TLE3: variants seen among roughly 807,000 people sequenced by gnomAD.
TLE3 encodes the protein TLE family member 3, transcriptional corepressor, also known as transducin-like enhancer protein 3.
Under a neutral mutation model 93.0 loss-of-function variants are expected in TLE3, and 14 were observed. The observed-to-expected ratio is 0.15, with a 90% CI of 0.10 to 0.24. The LOEUF (loss-of-function observed/expected upper bound fraction) is 0.24, where lower values mean the gene tolerates loss of function less well. Ranked by LOEUF, TLE3 falls within the 10% of genes least tolerant of loss-of-function variation. The pLI, the probability that TLE3 is intolerant of heterozygous loss-of-function variation, is 1.00. For missense variants in TLE3, 693 were observed against 1,046.6 expected (o/e 0.66, Z 4.66); for synonymous variants, 451 against 425.0 (o/e 1.06, Z -0.75).
intron 4 of TLE3, 26 bp downstream of exon 4, chr15:70,094,506 T>C (rs985501425): frequency 5.3e-6 from 8 of 1,510,494 alleles, no homozygotes; most frequent in African/African-American, 4.2e-5. Context: ...AAATGAAATA[T>C]ATTTTTAAAA....
Position 70,066,238 on chromosome 15 carries a change from G to A in TLE3, c.373-20C>T. The A allele has an allele frequency of 6.7e-7, 1 of 1,489,474 alleles. No homozygotes were observed. Among genetic ancestry groups the A allele is most frequent in the Non-Finnish European group, 8.9e-7 (1 of 1,119,222 alleles). 92.3% of individuals were successfully genotyped at this position (1,489,474 alleles called of 1,614,324 possible). A position where few individuals can be genotyped will look rare whatever the true frequency, so the allele number is the denominator to read the frequency against. ...CTGCTGCTGCAATGAAGTCGGTGGT[G>A]AGTACAGCTGAGTTGGGGAGGGCAG... is the stretch of plus-strand genomic sequence containing the variant. On this transcript the variant is annotated intron_variant, in intron 6 of 19. Transcript: ENST00000451782.
rs1567012138 is a variant in TLE3, at chr15:70,066,174, G to T, written c.417C>A (p.Gly139=). 1.3e-6 allele frequency: 2 copies of T among 1,544,530 alleles called. No homozygotes were observed. Among genetic ancestry groups the T allele is most frequent in the Non-Finnish European group, 8.7e-7 (1 of 1,146,652 alleles). ...GGTGGGGTGGCAACTGGACCGGGGG[G>T]CCGTGTGTGGCATGGGAGAGGTGCT... The part of the protein sequence containing the change: ...QAQHLSHATH[G]PPVQLPPHPS... The change falls in exon 7 of 20, where the codon GGC becomes GGA. Residue 139 remains glycine, a synonymous_variant. Coordinates refer to ENST00000451782, the MANE Select transcript of TLE3 (RefSeq NM_001105192.3).
chr15:70,065,372 GA>G (rs1280301920), intron 7 of TLE3, among the ~76,000 whole-genome samples: 1 of 152,240 alleles, frequency 6.6e-6, no homozygotes, highest in Admixed American at 6.5e-5. Context: ...AGGGGCTGCA[GA>G]GAGGGTCAGA....
rs2058616880 is a variant in TLE3 at position 70,097,465 on chromosome 15, C to CGCCGCCGCT, written c.-676_-668dup. On this transcript the variant is annotated 5_prime_UTR_variant, in exon 1 of 20. Coordinates refer to ENST00000451782, the MANE Select transcript of TLE3 (RefSeq NM_001105192.3). ...CTGCTACTGCCGCTGCCGCCGCCGC[C>CGCCGCCGCT]GCCGCCGCTGCAAGCCCTTCCCAGG... The CGCCGCCGCT allele has an allele frequency of 2.4e-6, 1 of 417,094 alleles. No individual in the cohort carries two copies. The highest frequency in any genetic ancestry group is 4.3e-5 in the Admixed American group (1 of 23,022). 25.8% of individuals were successfully genotyped at this position (417,094 alleles called of 1,614,324 possible).
rs2142135292 is a variant in TLE3 at position 70,097,074 on chromosome 15, G to A, written c.-276C>T. On this transcript the variant is annotated 5_prime_UTR_variant, in exon 1 of 20. Transcript: ENST00000451782. The stretch of plus-strand genomic sequence containing the variant: ...GTGCGCCTAGGGCTCGGCGGGCAGC[G>A]GCCGGCCGCCTTCCCTGGGCTGCGT... 2 of 491,332 alleles carry A rather than the reference G, an allele frequency of 4.1e-6. No homozygotes were observed. The highest frequency in any genetic ancestry group is 2.0e-5 in the African/African-American group (1 of 48,814). 30.4% of individuals were successfully genotyped at this position (491,332 alleles called of 1,614,324 possible). A position where few individuals can be genotyped will look rare whatever the true frequency, so the allele number is the denominator to read the frequency against.
intron 3 of TLE3, chr15:70,094,820 A>G: frequency 2.0e-6 from 1 of 507,866 alleles, no homozygotes. Flanking sequence ...CTTCCCTCCC[A>G]CAAGCACCAC....
At chr15:70,055,550 G>C (rs1210347152) in intron 14 of TLE3, 8 of 411,750 alleles carry the variant, frequency 1.9e-5, no homozygotes, top group Non-Finnish European at 2.9e-5. Context: ...GAAACCCACA[G>C]GTGTCCTGGA....
intron 9 of TLE3, 91 bp downstream of exon 9, chr15:70,060,439 C>G: frequency 1.9e-6 from 3 of 1,552,466 alleles, no homozygotes; most frequent in East Asian, 2.3e-5. Context: ...CTGCCAACCA[C>G]AAGAAGACCC....
intron 6 of TLE3, among the ~76,000 whole-genome samples, chr15:70,073,723 C>T (rs1043784258): frequency 2.0e-5 from 3 of 152,214 alleles, no homozygotes; most frequent in Non-Finnish European, 4.4e-5. Flanking sequence ...GGGTAAGAGC[C>T]TTGCCCAAAG....
intron 6 of TLE3, 52 bp from the exon 7 acceptor site, chr15:70,066,270 C>T (rs1259309381): frequency 7.0e-6 from 10 of 1,419,432 alleles, no homozygotes; most frequent in East Asian, 5.3e-5. Context: ...GCAGGGGAGG[C>T]GTGGCCACCT....
At chr15:70,073,264 A>C (rs2141772023) in intron 6 of TLE3, among the ~76,000 whole-genome samples, 2 of 152,284 alleles carry the variant, frequency 1.3e-5, no homozygotes, top group Non-Finnish European at 2.9e-5. Context: ...CAGATACAGA[A>C]ACTGAGGCCC....
chr15:70,068,118 T>C (rs1044853274), intron 6 of TLE3, among the ~76,000 whole-genome samples: 3 of 152,226 alleles, frequency 2.0e-5, no homozygotes, highest in Non-Finnish European at 4.4e-5. Flanking sequence ...TTTAATATCT[T>C]ATTACAAAAC....
chr15:70,054,181 C>T, intron 16 of TLE3: 1 of 435,532 alleles, frequency 2.3e-6, no homozygotes, highest in Non-Finnish European at 4.1e-6. Flanking sequence ...CTAATCTGAC[C>T]TCCACTTCCC....
chr15:70,080,761 G>A (rs912691339), intron 4 of TLE3, among the ~76,000 whole-genome samples: 4 of 152,102 alleles, frequency 2.6e-5, no homozygotes, highest in African/African-American at 7.2e-5. Flanking sequence ...TAGTATTCAC[G>A]TTTGCTGCTA....
At chr15:70,073,074 C>T (rs2057267171) in intron 6 of TLE3, among the ~76,000 whole-genome samples, 2 of 152,164 alleles carry the variant, frequency 1.3e-5, no homozygotes, top group African/African-American at 4.8e-5. Flanking sequence ...ATGGGCTCAG[C>T]CCAGAAGGAC....
At position 70,051,415 on chromosome 15, in the gene TLE3, C is replaced by T. The variant is rs370820783; in HGVS notation, c.2178G>A (p.Thr726=). The T allele has an allele frequency of 3.7e-5, 60 of 1,609,924 alleles. No individual in the cohort carries two copies. Among genetic ancestry groups the T allele is most frequent in the Non-Finnish European group, 4.4e-5 (52 of 1,178,208 alleles). Residue 726 remains threonine (T), a synonymous_variant, in exon 19 of 20, where the codon ACG becomes ACA. Transcript: ENST00000451782. ...GKDNLLNAWR[T]PYGASIFQSK... is the part of the protein sequence containing the mutation. ...CCTGGAATATGCTGGCTCCATAAGGCGTCCTCCAGGCGTTGAGAAGGTTAT... is the reference window on the plus strand; with the variant it reads ...CCTGGAATATGCTGGCTCCATAAGGTGTCCTCCAGGCGTTGAGAAGGTTAT...
chr15:70,057,293 C>A lies in TLE3; in HGVS notation c.1251+166G>T, dbSNP rs567829384. 3.3e-5 allele frequency among the ~76,000 whole-genome samples: 5 copies of A among 152,310 alleles called. No individual in the cohort carries two copies. In the East Asian group the frequency reaches 7.7e-4, roughly 24 times the overall value. Reference sequence around the variant, plus strand: ...AGGTCTGCTGGCCCCAAAGAGTGTACCCTTCCAGCCAAGTCTCAATTGTTT... The same window carrying A: ...AGGTCTGCTGGCCCCAAAGAGTGTAACCTTCCAGCCAAGTCTCAATTGTTT... On this transcript the variant is annotated intron_variant, in intron 13 of 19. Coordinates refer to ENST00000451782, the MANE Select transcript of TLE3 (RefSeq NM_001105192.3).
chr15:70,065,921 C>T (rs117133850), intron 7 of TLE3, 93 bp downstream of exon 7: 96,821 of 1,370,876 alleles, frequency 0.071, 4,073 homozygotes, highest in Non-Finnish European at 0.083. Context: ...GGTCTTAGGA[C>T]GACAGCACTT....
chr15:70,059,221 G>A (rs916033092), intron 10 of TLE3, among the ~76,000 whole-genome samples, 189 bp downstream of exon 10: 8 of 152,078 alleles, frequency 5.3e-5, no homozygotes, highest in African/African-American at 1.9e-4. Context: ...GCCCATAAAT[G>A]CCCAGACACC....
Sources: gnomAD v4.1 joint callset for allele counts (sites outside exome capture counted in the v4.1 genomes callset) on GRCh38, gnomAD v4.1.1 for gene constraint, MANE v1.5 for transcripts, NCBI Gene and HGNC (gene_info 2026-07-23, HGNC 2026-07-21) for gene names.